Variants in GHR observed in about 807,000 individuals in gnomAD.
The protein encoded by GHR is growth hormone receptor.
GHR carries 35 observed loss-of-function variants against 67.1 expected under a neutral mutation model. That is an observed-to-expected ratio of 0.52 (90% CI 0.40 to 0.69). GHR has a LOEUF of 0.69. Ranked by LOEUF, GHR falls within the 30% of genes least tolerant of loss-of-function variation. The pLI is 0.00. For synonymous variants in GHR, 272 were observed against 269.1 expected, an observed-to-expected ratio of 1.01 and a Z score of -0.10; for missense variants, 792 against 764.6, an observed-to-expected ratio of 1.04 and a Z score of -0.42.
At chr5:42,500,529 C>T (rs1489599764) in intron 1 of GHR, among the ~76,000 whole-genome samples, 2 of 152,222 alleles carry the variant, frequency 1.3e-5, no homozygotes, top group Admixed American at 6.5e-5. Context: ...GAGGGTGACA[C>T]ATAGCACTTA....
At chr5:42,707,226 C>CA (rs1561245490) in intron 6 of GHR, among the ~76,000 whole-genome samples, 1 of 151,962 alleles carries the variant, frequency 6.6e-6, no homozygotes, top group African/African-American at 2.4e-5. Context: ...ACCGCCCCCC[C>CA]AAACACATTT....
rs77642906 is a variant in GHR, at chr5:42,704,128, T to C, written c.618+4126T>C. On this transcript the variant is annotated intron_variant, in intron 6 of 9. Coordinates refer to ENST00000230882, the MANE Select transcript of GHR (RefSeq NM_000163.5). ...AATAAAAATGGCAAGAGTAGGCATC[T>C]TTGTCTTGTTCCTCATCTTAGAAGA... is the stretch of plus-strand genomic sequence containing the variant. Among the ~76,000 whole-genome samples, 288 of 152,124 alleles carry C rather than the reference T, an allele frequency of 1.9e-3. 2 individuals are homozygous for C. The highest frequency in any genetic ancestry group is 6.6e-3 in the African/African-American group (275 of 41,562).
At chr5:42,438,819 A>G (rs1232911018) in intron 1 of GHR, among the ~76,000 whole-genome samples, 4 of 152,124 alleles carry the variant, frequency 2.6e-5, no homozygotes. Context: ...GCAGTCTTCC[A>G]CCAACAGCTT....
chr5:42,700,208 C>G (rs1190155326), intron 6 of GHR, among the ~76,000 whole-genome samples: 1 of 152,056 alleles, frequency 6.6e-6, no homozygotes, highest in African/African-American at 2.4e-5. Context: ...TATATGGAGG[C>G]CTGTGGAAGG....
intron 1 of GHR, among the ~76,000 whole-genome samples, chr5:42,506,851 A>G (rs1428268302): frequency 1.3e-5 from 2 of 152,210 alleles, no homozygotes; most frequent in African/African-American, 2.4e-5. Context: ...GGTCATTACA[A>G]GAAAACAAGG....
At chr5:42,638,883 A>C in intron 3 of GHR, among the ~76,000 whole-genome samples, 1 of 152,148 alleles carries the variant, frequency 6.6e-6, no homozygotes, top group Admixed American at 6.5e-5. Flanking sequence ...TGACATATAA[A>C]ATTATTATGG....
chr5:42,687,205 G>C (rs1308243236), intron 3 of GHR, among the ~76,000 whole-genome samples: 1 of 152,106 alleles, frequency 6.6e-6, no homozygotes, highest in Non-Finnish European at 1.5e-5. Context: ...ACATCCTCAT[G>C]GATAGGAAGA....
chr5:42,604,734 T>G (rs1278597849), intron 2 of GHR, among the ~76,000 whole-genome samples: 1 of 151,154 alleles, frequency 6.6e-6, no homozygotes, highest in Non-Finnish European at 1.5e-5. Context: ...TTTTTTAGTT[T>G]ACTTACTGTA....
intron 6 of GHR, among the ~76,000 whole-genome samples, chr5:42,710,820 T>C (rs1758418709): frequency 1.3e-5 from 2 of 152,206 alleles, no homozygotes; most frequent in Non-Finnish European, 2.9e-5. Context: ...AAAACATGTT[T>C]GCTTTTCTGT....
intron 2 of GHR, among the ~76,000 whole-genome samples, chr5:42,571,034 G>A (rs899225689): frequency 1.2e-4 from 19 of 152,116 alleles, no homozygotes; most frequent in Non-Finnish European, 5.9e-5. Context: ...TTTTGACTCG[G>A]GGAACTATCA....
chr5:42,711,064 T>A, intron 6 of GHR, 143 bp from the exon 7 acceptor site: 1 of 703,050 alleles, frequency 1.4e-6, no homozygotes. Context: ...TTCCTTTAAA[T>A]AACAAATGCT....
chr5:42,574,745 G>A, intron 2 of GHR, among the ~76,000 whole-genome samples: 1 of 152,194 alleles, frequency 6.6e-6, no homozygotes, highest in East Asian at 1.9e-4. Context: ...ACTTTAACAT[G>A]AGATGTATTT....
At chr5:42,678,292 T>C (rs947270620) in intron 3 of GHR, among the ~76,000 whole-genome samples, 1 of 152,320 alleles carries the variant, frequency 6.6e-6, no homozygotes, top group East Asian at 1.9e-4. Context: ...TCAATTGTCA[T>C]GGCAACTCTC....
At chr5:42,635,127 C>G (rs1450141308) in intron 3 of GHR, among the ~76,000 whole-genome samples, 2 of 151,900 alleles carry the variant, frequency 1.3e-5, no homozygotes, top group Non-Finnish European at 2.9e-5. Flanking sequence ...ATTCAATAAA[C>G]AATTTAGTAA....
chr5:42,707,482 AT>A (rs1758234008), intron 6 of GHR, among the ~76,000 whole-genome samples: 1 of 151,854 alleles, frequency 6.6e-6, no homozygotes, highest in Non-Finnish European at 1.5e-5. Flanking sequence ...GTTTTTTCTA[AT>A]TCTCTGAAAA....
chr5:42,639,368 A>G (rs1754356662), intron 3 of GHR, among the ~76,000 whole-genome samples: 1 of 152,174 alleles, frequency 6.6e-6, no homozygotes, highest in African/African-American at 2.4e-5. Flanking sequence ...ATCATAATAG[A>G]TGTATTTTCA....
chr5:42,719,477 G>A lies in GHR; in HGVS notation c.*53G>A. On this transcript the variant is annotated 3_prime_UTR_variant, in exon 10 of 10. Transcript: ENST00000230882. Reference sequence around the variant, plus strand: ...TATTTAATAGCAAAGAATTGACTGGGGCAATAACGTTTAAGCCAAAACAAT... The same window carrying A: ...TATTTAATAGCAAAGAATTGACTGGAGCAATAACGTTTAAGCCAAAACAAT... The A allele has an allele frequency of 1.5e-5, 23 of 1,555,284 alleles. No individual in the cohort carries two copies. The highest frequency in any genetic ancestry group is 1.0e-4 in the South Asian group (9 of 89,522).
chr5:42,564,888 T>A (rs760075697), intron 1 of GHR, among the ~76,000 whole-genome samples: 2 of 152,204 alleles, frequency 1.3e-5, no homozygotes, highest in Non-Finnish European at 2.9e-5. Flanking sequence ...ATGTTGCAGC[T>A]AAGCTTTAAA....
In GHR at chr5:42,423,610, G is replaced by A. The variant is rs1289048911; in HGVS notation, c.-357G>A. 6.6e-6 allele frequency among the ~76,000 whole-genome samples: 1 copy of A among 152,206 alleles called. No homozygotes were observed. Among genetic ancestry groups the A allele is most frequent in the Non-Finnish European group, 1.5e-5 (1 of 68,040 alleles). On this transcript the variant is annotated 5_prime_UTR_variant, in exon 1 of 10. Coordinates refer to ENST00000230882, the MANE Select transcript of GHR (RefSeq NM_000163.5). ...GCAACCTGGATCTGGGGGACTGCGG[G>A]CCAGGCGCGGCGTGACCCCTGGTGA... is the stretch of plus-strand genomic sequence containing the variant.
Sources: gnomAD v4.1 joint callset for allele counts (sites outside exome capture counted in the v4.1 genomes callset) on GRCh38, gnomAD v4.1.1 for gene constraint, MANE v1.5 for transcripts, NCBI Gene and HGNC (gene_info 2026-07-23, HGNC 2026-07-21) for gene names.